TNS1: variants seen among roughly 807,000 people sequenced by gnomAD.
TNS1 encodes tensin-1.
TNS1 carries 62 observed loss-of-function variants against 168.6 expected under a neutral mutation model. The observed-to-expected ratio is 0.37, with a 90% CI of 0.30 to 0.45. The LOEUF (loss-of-function observed/expected upper bound fraction) is 0.45. TNS1 is among the 20% of genes least tolerant of loss of function. The pLI is 1.00. For synonymous variants in TNS1, 934 were observed against 933.2 expected, an observed-to-expected ratio of 1.00 and a Z score of -0.02; for missense variants, 2,240 against 2,339.4, an observed-to-expected ratio of 0.96 and a Z score of 0.88.
Position 217,897,871 on chromosome 2 carries a change from T to TGTG in TNS1, c.469_470insCAC (p.Asn157delinsThrHis). Reference sequence around the variant, plus strand: ...GAGGTTGCTCCGGAAGTTCTCCTCATTGGCTGTGCTGGGGAAGGAGACAGC... The same window carrying TGTG: ...GAGGTTGCTCCGGAAGTTCTCCTCATGTGTGGCTGTGCTGGGGAAGGAGACAGC... On this transcript the variant is annotated protein_altering_variant, in exon 8 of 33. Transcript: ENST00000682258. 6.2e-7 allele frequency: 1 copy of TGTG among 1,613,692 alleles called. No homozygotes were observed. The highest frequency in any genetic ancestry group is 8.5e-7 in the Non-Finnish European group (1 of 1,179,794).
intron 18 of TNS1, among the ~76,000 whole-genome samples, chr2:217,868,022 A>G (rs1949434303): frequency 6.6e-6 from 1 of 152,236 alleles, no homozygotes; most frequent in Admixed American, 6.5e-5. Flanking sequence ...GAACCGCCGC[A>G]TGGCAGGGAT....
intron 6 of TNS1, among the ~76,000 whole-genome samples, chr2:217,902,621 A>C (rs1953143075): frequency 6.6e-6 from 1 of 152,178 alleles, no homozygotes; most frequent in African/African-American, 2.4e-5. Flanking sequence ...CCCACCCCAA[A>C]AAAAGCCAGT....
chr2:217,869,162 G>A (rs1267189549), intron 18 of TNS1, among the ~76,000 whole-genome samples: 1 of 152,224 alleles, frequency 6.6e-6, no homozygotes, highest in East Asian at 1.9e-4. Flanking sequence ...AGTGGACCAA[G>A]AGGGAGGGCC....
At chr2:217,928,630 A>G (rs12476904) in intron 3 of TNS1, among the ~76,000 whole-genome samples, 5,145 of 152,186 alleles carry the variant, frequency 0.034, 307 homozygotes, top group African/African-American at 0.12. Context: ...CCAGAACCTG[A>G]AGCAGACAGG....
intron 3 of TNS1, among the ~76,000 whole-genome samples, chr2:217,962,772 G>A (rs1010040710): frequency 1.3e-5 from 2 of 152,120 alleles, no homozygotes; most frequent in Non-Finnish European, 2.9e-5. Flanking sequence ...CAGCAACAAA[G>A]AAAGACAGAA....
intron 18 of TNS1, chr2:217,849,685 C>T (rs12998464): frequency 0.032 from 31,653 of 985,440 alleles, 526 homozygotes; most frequent in Non-Finnish European, 0.035. Flanking sequence ...ACCCCTGCTT[C>T]GATGTCTGGA....
upstream of TNS1, among the ~76,000 whole-genome samples, chr2:218,007,275 C>T (rs1412279267): frequency 6.6e-6 from 1 of 152,136 alleles, no homozygotes; most frequent in African/African-American, 2.4e-5. Context: ...AGATTAATAC[C>T]AATTAACTAG....
intron 21 of TNS1, among the ~76,000 whole-genome samples, chr2:217,831,843 C>T (rs940535370): frequency 1.3e-5 from 2 of 152,136 alleles, no homozygotes; most frequent in African/African-American, 4.8e-5. Context: ...TCGCTGCAGT[C>T]CCTTTACTTT....
At chr2:217,862,964 C>T (rs1376197455) in intron 18 of TNS1, among the ~76,000 whole-genome samples, 1 of 152,256 alleles carries the variant, frequency 6.6e-6, no homozygotes, top group Non-Finnish European at 1.5e-5. Flanking sequence ...AGCAGACCTA[C>T]AGCTGGAGCC....
At chr2:217,821,961 GAC>G in intron 22 of TNS1, 23 bp from the exon 23 acceptor site, 1 of 1,565,432 alleles carries the variant, frequency 6.4e-7, no homozygotes, top group South Asian at 1.2e-5. Context: ...AGAGGACAGA[GAC>G]ACTGAGCACA....
chr2:217,891,805 C>T (rs1295193067), intron 11 of TNS1, among the ~76,000 whole-genome samples: 3 of 152,176 alleles, frequency 2.0e-5, no homozygotes, highest in East Asian at 3.9e-4. Context: ...CCCATCCTTC[C>T]TCTTCTCTCA....
At chr2:217,853,579 G>A (rs992699304) in intron 18 of TNS1, among the ~76,000 whole-genome samples, 3 of 152,124 alleles carry the variant, frequency 2.0e-5, no homozygotes, top group Non-Finnish European at 2.9e-5. Context: ...TGGGCTGAAA[G>A]GTCCAGTGTC....
intron 18 of TNS1, among the ~76,000 whole-genome samples, chr2:217,871,984 G>C (rs1949814292): frequency 6.6e-6 from 1 of 152,264 alleles, no homozygotes; most frequent in African/African-American, 2.4e-5. Context: ...TTAAGTAGCA[G>C]TGCAAATCCC....
chr2:217,911,888 T>C (rs1954451645), intron 4 of TNS1, among the ~76,000 whole-genome samples: 1 of 152,202 alleles, frequency 6.6e-6, no homozygotes, highest in Non-Finnish European at 1.5e-5. Context: ...AGGTCCTCAG[T>C]AGGAAGACAC....
At chr2:217,918,847 C>T (rs1955415285) in intron 4 of TNS1, among the ~76,000 whole-genome samples, 1 of 152,098 alleles carries the variant, frequency 6.6e-6, no homozygotes, top group African/African-American at 2.4e-5. Flanking sequence ...CACCCCCCAG[C>T]CCCCGCTGTT....
intron 3 of TNS1, among the ~76,000 whole-genome samples, chr2:217,967,410 C>CA (rs1175912846): frequency 6.6e-6 from 1 of 152,016 alleles, no homozygotes; most frequent in Non-Finnish European, 1.5e-5. Flanking sequence ...AAAAGATCAA[C>CA]AAAATTGGCA....
chr2:217,908,269 T>C (rs1001965117), intron 4 of TNS1, among the ~76,000 whole-genome samples: 1 of 152,130 alleles, frequency 6.6e-6, no homozygotes, highest in Admixed American at 6.5e-5. Context: ...CTACTAAAGA[T>C]GGTTTGATTT....
At chr2:217,822,365 G>A (rs1943002162) in intron 22 of TNS1, among the ~76,000 whole-genome samples, 1 of 152,126 alleles carries the variant, frequency 6.6e-6, no homozygotes, top group Admixed American at 6.5e-5. Flanking sequence ...TGTATCCCAG[G>A]ATAGTGCCAG....
chr2:217,841,579 G>A (rs1945972053), intron 19 of TNS1, among the ~76,000 whole-genome samples: 1 of 152,132 alleles, frequency 6.6e-6, no homozygotes, highest in South Asian at 2.1e-4. Context: ...AGAGGCAGAT[G>A]GACCTCCTGC....
Sources: gnomAD v4.1 joint callset for allele counts (sites outside exome capture counted in the v4.1 genomes callset) on GRCh38, gnomAD v4.1.1 for gene constraint, MANE v1.5 for transcripts, NCBI Gene and HGNC (gene_info 2026-07-23, HGNC 2026-07-21) for gene names.